The following SPO11 variants were observed in gnomAD, a reference collection of about 807,000 sequenced individuals.
SPO11 encodes the protein SPO11 initiator of meiotic double strand breaks, also known as meiotic recombination protein SPO11.
In SPO11, 49 loss-of-function variants were observed where a neutral mutation model predicts 51.6. The observed-to-expected ratio is 0.95, with a 90% CI of 0.75 to 1.20. The LOEUF is 1.20. Ranked by LOEUF, SPO11 falls within the 50% of genes most tolerant of loss-of-function variation. The probability of loss-of-function intolerance (pLI) is 0.00; values close to 1 mark genes in which losing one functional copy is unlikely to be tolerated. For missense variants in SPO11, 431 were observed against 473.4 expected, an observed-to-expected ratio of 0.91 and a Z score of 0.83; for synonymous variants, 176 against 158.2, an observed-to-expected ratio of 1.11 and a Z score of -0.84.
intron 1 of SPO11, among the ~76,000 whole-genome samples, chr20:57,330,547 T>C (rs1214805531): frequency 6.6e-6 from 1 of 152,236 alleles, no homozygotes; most frequent in Non-Finnish European, 1.5e-5. Context: ...AATGTACATA[T>C]TTTAAATGAT....
chr20:57,342,841 GTA>G lies in SPO11; in HGVS notation c.1071+3_1071+4del, dbSNP rs768626310. 1.9e-6 allele frequency: 3 copies of G among 1,598,610 alleles called. No individual in the cohort carries two copies. Among genetic ancestry groups the G allele is most frequent in the Non-Finnish European group, 2.6e-6 (3 of 1,167,552 alleles). ...CTGCCAACCATTTTGGAGAAAAGAA[GTA>G]TGTTTCCTTTTACAACTCAAGTGTT... is the stretch of plus-strand genomic sequence containing the variant. On this transcript the variant is annotated splice_donor_variant and splice_donor_region_variant and intron_variant, in intron 12 of 12. Transcript: ENST00000371263. LOFTEE classifies it high-confidence loss of function.
In SPO11 at chr20:57,339,119, GC is replaced by G. The variant is rs1013335419; in HGVS notation, c.882+94del. The G allele has an allele frequency of 3.8e-5, 31 of 807,122 alleles. No individual in the cohort carries two copies. In the Admixed American group the frequency reaches 9.7e-4, roughly 25 times the overall value. 50.0% of individuals were successfully genotyped at this position (807,122 alleles called of 1,614,324 possible). On this transcript the variant is annotated intron_variant, in intron 10 of 12. Transcript: ENST00000371263. ...GCATTTATTAATCACCCCCAAGCAG[GC>G]TGAGAGTGCCCAAAGTGTACCTGAG...
chr20:57,342,897 G>C (rs548709870), intron 12 of SPO11, 57 bp downstream of exon 12: 2 of 1,186,568 alleles, frequency 1.7e-6, no homozygotes, highest in South Asian at 2.6e-5. Flanking sequence ...TACTTTAGTA[G>C]TGGCTATTCA....
chr20:57,333,080 G>A, intron 2 of SPO11, 108 bp from the exon 3 acceptor site: 1 of 745,062 alleles, frequency 1.3e-6, no homozygotes, highest in East Asian at 2.7e-5. Flanking sequence ...CTTAAATTGA[G>A]AAGAAATGTG....
At chr20:57,335,352 C>T (rs991105384) in intron 6 of SPO11, 67 bp from the exon 7 acceptor site, 37 of 1,318,194 alleles carry the variant, frequency 2.8e-5, no homozygotes, top group Non-Finnish European at 1.6e-5. Context: ...AAACAGAGGG[C>T]TTTGTGATAA....
In SPO11 at chr20:57,330,014, C is replaced by G. The variant is rs552965092; in HGVS notation, c.131+16C>G. On this transcript the variant is annotated intron_variant, in intron 1 of 12. Coordinates refer to ENST00000371263, the MANE Select transcript of SPO11 (RefSeq NM_012444.3). ...TGGCCTCCAGGTACAGGAGCTGGTG[C>G]CGAGGCGCGACGCAGCCACTCTGTA... is the stretch of plus-strand genomic sequence containing the variant. 6.4e-7 allele frequency: 1 copy of G among 1,571,694 alleles called. No homozygotes were observed. Among genetic ancestry groups the G allele is most frequent in the African/African-American group, 1.3e-5 (1 of 74,216 alleles).
At position 57,333,120 on chromosome 20, in the gene SPO11, G is replaced by T. The variant is rs1036979315; in HGVS notation, c.246-68G>T. ...TTAAATGATGTGCAGAAGACCATAA[G>T]TATATATTGTTTGGTGTTTAGAAGT... On this transcript the variant is annotated intron_variant, in intron 2 of 12. Coordinates refer to ENST00000371263, the MANE Select transcript of SPO11 (RefSeq NM_012444.3). The T allele has an allele frequency of 5.3e-6, 6 of 1,130,914 alleles. No homozygotes were observed. The Middle Eastern group carries it at 1.3e-3, about 245-fold the overall frequency. 70.1% of individuals were successfully genotyped at this position (1,130,914 alleles called of 1,614,324 possible).
chr20:57,340,894 G>T (rs2066573718), intron 11 of SPO11, among the ~76,000 whole-genome samples: 1 of 152,064 alleles, frequency 6.6e-6, no homozygotes, highest in African/African-American at 2.4e-5. Context: ...ATCATTTTAA[G>T]AGTATTAAAA....
In SPO11 at chr20:57,335,821, G is replaced by A; in HGVS notation, c.658G>A (p.Val220Ile). The change falls in exon 8 of 13, where the codon GTA (valine) becomes ATA (isoleucine). Residue 220 changes from valine (V) to isoleucine (I), a missense_variant. This residue lies in a region of SPO11 where 405 missense variants were observed against 425.9 expected (regional missense o/e 0.95). Coordinates refer to ENST00000371263, the MANE Select transcript of SPO11 (RefSeq NM_012444.3). Reference sequence around the variant, plus strand: ...AGATTTAGTTACAGATGCAAAGTTTGTATTAATTGTAGAAAAAGATGCAAC... The same window carrying A: ...AGATTTAGTTACAGATGCAAAGTTTATATTAATTGTAGAAAAAGATGCAAC... Reference protein sequence around the residue: ...IRNLVTDAKFVLIVEKDATFQ... With the variant: ...IRNLVTDAKFILIVEKDATFQ... The A allele has an allele frequency of 6.2e-7, 1 of 1,611,222 alleles. No individual in the cohort carries two copies. The highest frequency in any genetic ancestry group is 1.3e-5 in the African/African-American group (1 of 74,872).
At chr20:57,331,052 T>G (rs1240601666) in intron 1 of SPO11, among the ~76,000 whole-genome samples, 1 of 152,228 alleles carries the variant, frequency 6.6e-6, no homozygotes, top group Non-Finnish European at 1.5e-5. Flanking sequence ...ACTCTCAACA[T>G]TTTGCCCGTT....
intron 8 of SPO11, among the ~76,000 whole-genome samples, chr20:57,336,905 G>A (rs536113128): frequency 6.6e-5 from 10 of 152,176 alleles, no homozygotes; most frequent in African/African-American, 1.2e-4. Context: ...TAACATCATC[G>A]TCACTTTAAT....
At chr20:57,339,175 G>C (rs567522555) in intron 10 of SPO11, 149 bp downstream of exon 10, 1 of 468,710 alleles carries the variant, frequency 2.1e-6, no homozygotes, top group African/African-American at 2.0e-5. Context: ...GGAGCAATCT[G>C]TGTGTCGGTG....
At chr20:57,335,514 C>T in intron 7 of SPO11, 59 bp downstream of exon 7, 3 of 1,532,460 alleles carry the variant, frequency 2.0e-6, no homozygotes, top group Non-Finnish European at 1.8e-6. Context: ...TTCATTAATT[C>T]CTTTGGTAAG....
chr20:57,337,363 TTAAA>T (rs1190634598), intron 8 of SPO11, among the ~76,000 whole-genome samples: 2 of 152,216 alleles, frequency 1.3e-5, no homozygotes, highest in African/African-American at 2.4e-5. Context: ...TTTATGATTA[TTAAA>T]TAATTTAATT....
In SPO11 at chr20:57,342,743, A is replaced by AAT; in HGVS notation, c.975_976insTA (p.Asp326Ter). 1 of 1,612,112 alleles carries AAT rather than the reference A, an allele frequency of 6.2e-7. No individual in the cohort carries two copies. The highest frequency in any genetic ancestry group is 8.5e-7 in the Non-Finnish European group (1 of 1,178,562). On this transcript the variant is annotated frameshift_variant, in exon 12 of 13. Transcript: ENST00000371263. LOFTEE classifies it high-confidence loss of function. ...CTTTTTTCCAGATTAAATGTACCTA[A>AAT]AGATAGTTTGATTCCACTGACAAAA...
At position 57,343,655 on chromosome 20, in the gene SPO11, C is replaced by A; in HGVS notation, c.*195C>A. Reference sequence around the variant, plus strand: ...TTTTCTTTGCAAGGCCTTATTCTTGCCTCTATAGAGACAGATTTCTGTCCT... The same window carrying A: ...TTTTCTTTGCAAGGCCTTATTCTTGACTCTATAGAGACAGATTTCTGTCCT... On this transcript the variant is annotated 3_prime_UTR_variant, in exon 13 of 13. Transcript: ENST00000371263. The A allele has an allele frequency of 2.2e-6, 1 of 449,404 alleles. No homozygotes were observed. The highest frequency in any genetic ancestry group is 3.7e-6 in the Non-Finnish European group (1 of 268,672). The allele number at this position is 449,404 out of a possible 1,614,324, so 27.8% of individuals were successfully genotyped here. A position where few individuals can be genotyped will look rare whatever the true frequency, so the allele number is the denominator to read the frequency against.
chr20:57,336,013 A>ATGCATCCT, intron 8 of SPO11, 106 bp downstream of exon 8: 1 of 637,590 alleles, frequency 1.6e-6, no homozygotes, highest in East Asian at 2.9e-5. Context: ...TTTCAATATA[A>ATGCATCCT]TGCATCCTTT....
At chr20:57,332,979 C>T (rs2066467149) in intron 2 of SPO11, among the ~76,000 whole-genome samples, 1 of 152,200 alleles carries the variant, frequency 6.6e-6, no homozygotes, top group Non-Finnish European at 1.5e-5. Flanking sequence ...AATGGTTTAT[C>T]TTAGTGCCTC....
At chr20:57,339,085 G>T (rs1238951694) in intron 10 of SPO11, 59 bp downstream of exon 10, 2 of 1,189,606 alleles carry the variant, frequency 1.7e-6, no homozygotes, top group African/African-American at 1.6e-5. Flanking sequence ...ATTCATTGAG[G>T]TGATTTCTGC....
Sources: gnomAD v4.1 joint callset for allele counts (sites outside exome capture counted in the v4.1 genomes callset) on GRCh38, gnomAD v4.1.1 for gene constraint, gnomAD v4.1.1 regional missense constraint, MANE v1.5 for transcripts, NCBI Gene and HGNC (gene_info 2026-07-23, HGNC 2026-07-21) for gene names.